Variants in DOK6 observed in about 807,000 individuals in gnomAD.
DOK6 encodes docking protein 6.
Under a neutral mutation model 44.0 loss-of-function variants are expected in DOK6, and 22 were observed. The observed-to-expected ratio is 0.50, with a 90% confidence interval of 0.36 to 0.71. DOK6 has a LOEUF of 0.71. Ranked by LOEUF, DOK6 falls within the 30% of genes least tolerant of loss-of-function variation. The pLI is 0.00. For missense variants in DOK6, 340 were observed against 416.4 expected (o/e 0.82, Z 1.60); for synonymous variants, 166 against 145.5 (o/e 1.14, Z -1.01).
At chr18:69,606,859 G>A (rs1878821809) in intron 3 of DOK6, among the ~76,000 whole-genome samples, 1 of 147,290 alleles carries the variant, frequency 6.8e-6, no homozygotes, top group South Asian at 2.1e-4. Flanking sequence ...CGCCTCCCAG[G>A]TTCAAGCAAC....
intron 7 of DOK6, among the ~76,000 whole-genome samples, chr18:69,839,692 G>A (rs901502539): frequency 2.0e-5 from 3 of 152,218 alleles, no homozygotes; most frequent in African/African-American, 7.2e-5. Context: ...CGGGCCAGGC[G>A]AGGAGGAGTG....
At chr18:69,451,001 A>G (rs1338652412) in intron 1 of DOK6, among the ~76,000 whole-genome samples, 6 of 148,048 alleles carry the variant, frequency 4.1e-5, no homozygotes, top group African/African-American at 7.5e-5. Context: ...AACTGCATCA[A>G]CTAATGAGCA....
chr18:69,735,739 A>G (rs1230183188), intron 5 of DOK6, among the ~76,000 whole-genome samples: 1 of 152,216 alleles, frequency 6.6e-6, no homozygotes, highest in East Asian at 1.9e-4. Flanking sequence ...GGATTAATGT[A>G]TCTGGTCAAA....
intron 3 of DOK6, among the ~76,000 whole-genome samples, chr18:69,642,312 G>A (rs1201009130): frequency 1.3e-5 from 2 of 152,056 alleles, no homozygotes; most frequent in East Asian, 3.9e-4. Flanking sequence ...TTCCACAACT[G>A]ACCTATAGCG....
At chr18:69,517,697 A>C (rs114232162) in intron 1 of DOK6, among the ~76,000 whole-genome samples, 1 of 148,344 alleles carries the variant, frequency 6.7e-6, no homozygotes, top group African/African-American at 2.5e-5. Flanking sequence ...ATTGTATACA[A>C]TCTGTATTCA....
chr18:69,695,005 G>A (rs1244670810), intron 4 of DOK6, among the ~76,000 whole-genome samples: 1 of 152,134 alleles, frequency 6.6e-6, no homozygotes, highest in African/African-American at 2.4e-5. Context: ...CAGTTGAGAT[G>A]GGATTAATTT....
intron 1 of DOK6, among the ~76,000 whole-genome samples, chr18:69,509,926 A>G (rs1302839187): frequency 3.3e-5 from 5 of 152,234 alleles, no homozygotes; most frequent in South Asian, 2.1e-4. Context: ...TCAAACTTCA[A>G]TGCAGAAACA....
chr18:69,846,698 A>C lies in DOK6; in HGVS notation c.*5315A>C, dbSNP rs1982351792. 1 of 152,202 alleles carries C rather than the reference A, an allele frequency of 6.6e-6. No individual in the cohort carries two copies. Among genetic ancestry groups the C allele is most frequent in the South Asian group, 2.1e-4 (1 of 4,824 alleles). The allele number at this position is 152,202 out of a possible 1,614,324, so 9.4% of individuals were successfully genotyped here. ...GCAGTCCTACTAATTCATCACAATC[A>C]CATAGTAATTGTGATTATAATTTTT... On this transcript the variant is annotated 3_prime_UTR_variant, in exon 8 of 8. Coordinates refer to ENST00000382713, the MANE Select transcript of DOK6 (RefSeq NM_152721.6).
intron 3 of DOK6, among the ~76,000 whole-genome samples, chr18:69,609,564 T>A (rs4644944): frequency 0.41 from 62,302 of 151,908 alleles, 13,930 homozygotes; most frequent in Non-Finnish European, 0.5. Flanking sequence ...AACCCTAGTG[T>A]ATTAGTAACG....
intron 7 of DOK6, among the ~76,000 whole-genome samples, chr18:69,818,698 G>A (rs1413766352): frequency 6.6e-6 from 1 of 152,180 alleles, no homozygotes; most frequent in Admixed American, 6.6e-5. Context: ...GCCTAGCTAT[G>A]TTTACACATC....
chr18:69,427,762 CA>C (rs1568254020), intron 1 of DOK6, among the ~76,000 whole-genome samples: 1 of 148,596 alleles, frequency 6.7e-6, no homozygotes, highest in African/African-American at 2.5e-5. Context: ...GGTACATATA[CA>C]CCATGGAATA....
Position 69,677,928 on chromosome 18 carries a change from A to C in DOK6, c.409+75A>C, listed in dbSNP as rs544008279. 2.4e-4 allele frequency: 367 copies of C among 1,535,566 alleles called. 11 individuals carry two copies. The South Asian group carries it at 3.6e-3, about 15-fold the overall frequency. ...GAACTTTGAAACTGGAAAGGATCTCAGAAATGTTTCAGACCAATCATATTT... is the reference window on the plus strand; with the variant it reads ...GAACTTTGAAACTGGAAAGGATCTCCGAAATGTTTCAGACCAATCATATTT... On this transcript the variant is annotated intron_variant, in intron 4 of 7. Coordinates refer to ENST00000382713, the MANE Select transcript of DOK6 (RefSeq NM_152721.6).
In DOK6 at chr18:69,679,778, A is replaced by G. The variant is rs150798036; in HGVS notation, c.409+1925A>G. On this transcript the variant is annotated intron_variant, in intron 4 of 7. Coordinates refer to ENST00000382713, the MANE Select transcript of DOK6 (RefSeq NM_152721.6). ...TGGTTTCCATCCAAATGTATAATGT[A>G]CTTCTTTGGTTTATCATAATTTTAT... Among the ~76,000 whole-genome samples, 5 of 152,350 alleles carry G rather than the reference A, an allele frequency of 3.3e-5. No individual in the cohort carries two copies. In the East Asian group the frequency reaches 5.8e-4, roughly 18 times the overall value.
At chr18:69,722,219 C>A (rs924224426) in intron 5 of DOK6, among the ~76,000 whole-genome samples, 1 of 152,150 alleles carries the variant, frequency 6.6e-6, no homozygotes, top group African/African-American at 2.4e-5. Context: ...TAATACTATT[C>A]GCATTTACAC....
intron 1 of DOK6, among the ~76,000 whole-genome samples, chr18:69,541,706 T>C (rs531875448): frequency 6.6e-6 from 1 of 151,586 alleles, no homozygotes; most frequent in South Asian, 2.1e-4. Flanking sequence ...AACTTCTATA[T>C]GCTGATTTAC....
intron 3 of DOK6, among the ~76,000 whole-genome samples, chr18:69,609,309 AT>A (rs1226958774): frequency 6.6e-6 from 1 of 152,170 alleles, no homozygotes; most frequent in East Asian, 1.9e-4. Context: ...TCAATAGCAA[AT>A]ACATAAATTA....
chr18:69,617,607 TAGG>T (rs1402796879), intron 3 of DOK6, among the ~76,000 whole-genome samples: 3 of 116,954 alleles, frequency 2.6e-5, no homozygotes, highest in Non-Finnish European at 5.2e-5. Flanking sequence ...GACTGAGCGA[TAGG>T]AGAAAAGAAA....
intron 5 of DOK6, among the ~76,000 whole-genome samples, chr18:69,733,039 A>G (rs973545684): frequency 6.6e-6 from 1 of 152,120 alleles, no homozygotes; most frequent in Non-Finnish European, 1.5e-5. Flanking sequence ...GTGGAGCAGG[A>G]GAGAGGGAGA....
chr18:69,776,771 AG>A (rs1980079670), intron 7 of DOK6, among the ~76,000 whole-genome samples: 1 of 152,094 alleles, frequency 6.6e-6, no homozygotes, highest in African/African-American at 2.4e-5. Flanking sequence ...TGATCTCTAT[AG>A]GTACAGAAAA....
Sources: allele counts gnomAD v4.1 joint callset (sites outside exome capture counted in the v4.1 genomes callset), GRCh38; gene constraint gnomAD v4.1.1; transcripts MANE v1.5; gene names NCBI Gene and HGNC (gene_info 2026-07-23, HGNC 2026-07-21).